RPH3AL: variants seen among roughly 807,000 people sequenced by gnomAD.
The protein encoded by RPH3AL is rabphilin 3A like (without C2 domains).
RPH3AL carries 38 observed loss-of-function variants against 43.1 expected under a neutral mutation model. The ratio of observed to expected loss-of-function variants is 0.88; its 90% CI spans 0.68 to 1.15. The LOEUF is 1.15. Among genes scored for constraint, RPH3AL ranks in the 50% most tolerant of loss-of-function variants. The probability of loss-of-function intolerance (pLI) is 0.00; values close to 1 mark genes in which losing one functional copy is unlikely to be tolerated. For missense variants in RPH3AL, 462 were observed against 423.2 expected (o/e 1.09, Z -0.81); for synonymous variants, 189 against 176.3 (o/e 1.07, Z -0.57).
Position 283,251 on chromosome 17 carries a change from G to A in RPH3AL, c.352-1397C>T, listed in dbSNP as rs1317874298. Among the ~76,000 whole-genome samples the A allele has an allele frequency of 1.3e-5, 2 of 152,212 alleles. No homozygotes were observed. The highest frequency in any genetic ancestry group is 2.9e-5 in the Non-Finnish European group (2 of 68,048). On this transcript the variant is annotated intron_variant, in intron 5 of 9. Transcript: ENST00000331302. The surrounding 1 kb of genome is among the most constrained non-coding windows in gnomAD (Gnocchi z 4.2). Reference sequence around the variant, plus strand: ...AGCAAGGAGCACGTCTCTCCATGGAGAGGGAAAATGTCACCAACTTGGCTT... The same window carrying A: ...AGCAAGGAGCACGTCTCTCCATGGAAAGGGAAAATGTCACCAACTTGGCTT...
intron 5 of RPH3AL, among the ~76,000 whole-genome samples, chr17:314,782 C>G (rs1319266549): frequency 4.6e-4 from 66 of 142,586 alleles, no homozygotes; most frequent in African/African-American, 1.7e-3. Context: ...ACCCCACCTC[C>G]ATTGACCTGT....
chr17:277,860 G>C (rs944890758), intron 6 of RPH3AL, among the ~76,000 whole-genome samples: 1 of 152,064 alleles, frequency 6.6e-6, no homozygotes, highest in African/African-American at 2.4e-5. Flanking sequence ...GAGGCTGAGG[G>C]GGGAGGGTTG....
Position 300,746 on chromosome 17 carries a change from C to T in RPH3AL, c.351+18674G>A, listed in dbSNP as rs1192958455. On this transcript the variant is annotated intron_variant, in intron 5 of 9. Transcript: ENST00000331302. ...TCTCACCCACTCTAGCAGGGGCTGG[C>T]CCATAGGCCTGCAGAATCTCTCACC... Among the ~76,000 whole-genome samples the T allele has an allele frequency of 4.3e-5, 6 of 140,450 alleles. No homozygotes were observed. In the East Asian group the frequency reaches 1.3e-3, roughly 31 times the overall value. The allele number at this position is 140,450 out of a possible 152,430, so 92.1% of individuals were successfully genotyped here. A position where few individuals can be genotyped will look rare whatever the true frequency, so the allele number is the denominator to read the frequency against.
At chr17:352,366 G>C (rs1180457515) in intron 1 of RPH3AL, among the ~76,000 whole-genome samples, 1 of 152,188 alleles carries the variant, frequency 6.6e-6, no homozygotes, top group Non-Finnish European at 1.5e-5. Flanking sequence ...CTGTCCACTG[G>C]GGTGTTTCAA....
chr17:248,187 C>T (rs2041810560), intron 6 of RPH3AL, among the ~76,000 whole-genome samples: 1 of 152,224 alleles, frequency 6.6e-6, no homozygotes, highest in African/African-American at 2.4e-5. Flanking sequence ...AAGGACAACA[C>T]CCTGATTCCT....
chr17:305,336 C>T (rs190370496), intron 5 of RPH3AL, among the ~76,000 whole-genome samples: 3 of 152,120 alleles, frequency 2.0e-5, no homozygotes, highest in Admixed American at 2.0e-4. Flanking sequence ...GCACCTGCCA[C>T]ACTGCGGAGG....
chr17:266,460 T>C (rs1555548050), intron 6 of RPH3AL, among the ~76,000 whole-genome samples: 1 of 152,184 alleles, frequency 6.6e-6, no homozygotes, highest in African/African-American at 2.4e-5. Context: ...CTGGCTCCCC[T>C]GTACCCAGTT....
At chr17:279,559 G>A (rs192472985) in intron 6 of RPH3AL, among the ~76,000 whole-genome samples, 30 of 152,184 alleles carry the variant, frequency 2.0e-4, no homozygotes, top group Non-Finnish European at 2.8e-4. Flanking sequence ...AGACTGTTAC[G>A]GAGTGTGAGG....
rs1438279389 is a variant in RPH3AL at position 245,618 on chromosome 17, C to T, written c.613+1493G>A. ...GCAGCATTTTAAACCCACAGGTGTC[C>T]ACCAGCTTCTGCTCCCACTGTCTGA... On this transcript the variant is annotated intron_variant, in intron 7 of 9. Transcript: ENST00000331302. The surrounding 1 kb of genome is among the most constrained non-coding windows in gnomAD (Gnocchi z 5.9). 6.6e-6 allele frequency among the ~76,000 whole-genome samples: 1 copy of T among 152,092 alleles called. No homozygotes were observed. Among genetic ancestry groups the T allele is most frequent in the Non-Finnish European group, 1.5e-5 (1 of 68,012 alleles).
In RPH3AL at chr17:333,305, A is replaced by C; in HGVS notation, c.-37+454T>G. On this transcript the variant is annotated intron_variant, in intron 2 of 9. Transcript: ENST00000331302. The surrounding 1 kb of genome is among the most constrained non-coding windows in gnomAD (Gnocchi z 4.5). ...CGTGGTCACTCCTGGGGGCGGTAGG[A>C]TATTTTATCCTAAAGAGAAAACACC... 2 of 1,286,088 alleles carry C rather than the reference A, an allele frequency of 1.6e-6. No homozygotes were observed. The highest frequency in any genetic ancestry group is 2.0e-6 in the Non-Finnish European group (2 of 987,362). The allele number at this position is 1,286,088 out of a possible 1,614,324, so 79.7% of individuals were successfully genotyped here.
At chr17:309,272 G>A (rs534072069) in intron 5 of RPH3AL, among the ~76,000 whole-genome samples, 4 of 152,300 alleles carry the variant, frequency 2.6e-5, no homozygotes, top group Admixed American at 6.5e-5. Flanking sequence ...CAGCCTGGGC[G>A]GCAGAGCTAG....
At chr17:277,673 G>C (rs577921930) in intron 6 of RPH3AL, among the ~76,000 whole-genome samples, 23 of 152,226 alleles carry the variant, frequency 1.5e-4, no homozygotes, top group Middle Eastern at 3.4e-3. Context: ...CCAAAGTCTT[G>C]GCCAGGTGTA....
intron 7 of RPH3AL, among the ~76,000 whole-genome samples, chr17:244,374 G>A (rs935745096): frequency 3.9e-5 from 6 of 152,076 alleles, no homozygotes; most frequent in African/African-American, 1.4e-4. Context: ...GGGAGCTACA[G>A]GTGCATGAGC....
chr17:293,393 C>T (rs2043091534), intron 5 of RPH3AL, among the ~76,000 whole-genome samples: 1 of 152,042 alleles, frequency 6.6e-6, no homozygotes, highest in African/African-American at 2.4e-5. Flanking sequence ...ATCATTTCTG[C>T]ACTCGTGCCT....
chr17:230,202 C>T (rs1222892924), intron 7 of RPH3AL, among the ~76,000 whole-genome samples: 5 of 152,150 alleles, frequency 3.3e-5, no homozygotes, highest in Admixed American at 6.5e-5. Context: ...CATTTACCAT[C>T]GATTTTCATT....
At chr17:325,126 G>T (rs901161929) in intron 3 of RPH3AL, among the ~76,000 whole-genome samples, 8 of 152,184 alleles carry the variant, frequency 5.3e-5, no homozygotes, top group Non-Finnish European at 1.2e-4. Context: ...CTCCCAAAGT[G>T]CTGGGATTAC....
At chr17:285,818 C>A (rs2042892804) in intron 5 of RPH3AL, among the ~76,000 whole-genome samples, 1 of 152,202 alleles carries the variant, frequency 6.6e-6, no homozygotes, top group African/African-American at 2.4e-5. Flanking sequence ...TCCAATCAAC[C>A]CGACTGATGC....
chr17:285,912 C>G (rs751382662), intron 5 of RPH3AL, among the ~76,000 whole-genome samples: 1 of 152,206 alleles, frequency 6.6e-6, no homozygotes, highest in Admixed American at 6.5e-5. Flanking sequence ...CACTAATCCA[C>G]GTTACCATCA....
At chr17:340,371 TGGG>T (rs2045080793) in intron 1 of RPH3AL, among the ~76,000 whole-genome samples, 8 of 71,488 alleles carry the variant, frequency 1.1e-4, no homozygotes, top group East Asian at 3.8e-4. Context: ...CTCACTGCCC[TGGG>T]CTCAGGCCTC....
Sources: gnomAD v4.1 joint callset for allele counts (sites outside exome capture counted in the v4.1 genomes callset) on GRCh38, gnomAD v4.1.1 for gene constraint, Gnocchi (gnomAD v3.1) non-coding constraint, MANE v1.5 for transcripts, NCBI Gene and HGNC (gene_info 2026-07-23, HGNC 2026-07-21) for gene names.